Variants in FBXL17 observed in about 807,000 individuals in gnomAD.
The protein encoded by FBXL17 is F-box and leucine rich repeat protein 17, also known as F-box/LRR-repeat protein 17.
Under a neutral mutation model 66.2 loss-of-function variants are expected in FBXL17, and 22 were observed. The ratio of observed to expected loss-of-function variants is 0.33; its 90% CI spans 0.24 to 0.47. FBXL17 has a LOEUF of 0.47. Ranked by LOEUF, FBXL17 falls within the 20% of genes least tolerant of loss-of-function variation. The pLI is 1.00. For missense variants in FBXL17, 878 were observed against 948.2 expected (o/e 0.93, Z 0.97); for synonymous variants, 474 against 400.5 (o/e 1.18, Z -2.19).
chr5:108,284,711 A>G (rs1212224771), intron 4 of FBXL17, among the ~76,000 whole-genome samples: 1 of 151,908 alleles, frequency 6.6e-6, no homozygotes, highest in Non-Finnish European at 1.5e-5. Flanking sequence ...CAAATGTTTT[A>G]GTCCTAAAAA....
At chr5:107,906,710 C>T (rs1243225377) in intron 7 of FBXL17, among the ~76,000 whole-genome samples, 7 of 152,036 alleles carry the variant, frequency 4.6e-5, no homozygotes, top group African/African-American at 2.4e-5. Context: ...GGGGAGGACA[C>T]GTCTAGGAAG....
At chr5:108,056,625 G>A (rs949703528) in intron 6 of FBXL17, among the ~76,000 whole-genome samples, 1 of 152,156 alleles carries the variant, frequency 6.6e-6, no homozygotes, top group Admixed American at 6.5e-5. Flanking sequence ...CCACAGTGTT[G>A]AGACAGTGCT....
intron 4 of FBXL17, among the ~76,000 whole-genome samples, chr5:108,231,561 G>A (rs1755341905): frequency 6.6e-6 from 1 of 152,136 alleles, no homozygotes; most frequent in Non-Finnish European, 1.5e-5. Flanking sequence ...TGTGCTTCCT[G>A]TTCCCGCAAC....
chr5:108,272,214 C>G (rs1757301600), intron 4 of FBXL17, among the ~76,000 whole-genome samples: 1 of 151,986 alleles, frequency 6.6e-6, no homozygotes, highest in Non-Finnish European at 1.5e-5. Context: ...TGGCATGAAC[C>G]CAGGAGGCGG....
At chr5:107,922,590 G>C (rs540806418) in intron 7 of FBXL17, among the ~76,000 whole-genome samples, 2 of 152,260 alleles carry the variant, frequency 1.3e-5, no homozygotes, top group East Asian at 3.9e-4. Flanking sequence ...CGCTGTCTTT[G>C]TTTTTTAAAC....
At chr5:108,134,516 C>T (rs946033779) in intron 6 of FBXL17, among the ~76,000 whole-genome samples, 6 of 152,086 alleles carry the variant, frequency 3.9e-5, no homozygotes, top group African/African-American at 1.4e-4. Flanking sequence ...TCCCCCAAAA[C>T]CTCGTATCTG....
chr5:108,364,642 T>C (rs1748545543), intron 3 of FBXL17, 96 bp downstream of exon 3: 3 of 969,652 alleles, frequency 3.1e-6, no homozygotes, highest in Admixed American at 2.4e-5. Flanking sequence ...CTTGAGTCTC[T>C]GGGAACTATT....
At chr5:108,110,499 T>C (rs941085473) in intron 6 of FBXL17, among the ~76,000 whole-genome samples, 1 of 152,212 alleles carries the variant, frequency 6.6e-6, no homozygotes, top group Non-Finnish European at 1.5e-5. Flanking sequence ...CAGATTTTAA[T>C]TAATGGGCTC....
intron 7 of FBXL17, among the ~76,000 whole-genome samples, chr5:107,931,172 G>C (rs1447032705): frequency 6.6e-6 from 1 of 152,008 alleles, no homozygotes; most frequent in Non-Finnish European, 1.5e-5. Context: ...GCCTCAACTA[G>C]ATTGACTTGA....
chr5:108,298,909 A>ATAATAT (rs1580769927), intron 4 of FBXL17: 1 of 939,902 alleles, frequency 1.1e-6, no homozygotes, highest in African/African-American at 1.8e-5. Context: ...TCCACATTAA[A>ATAATAT]AGTATAGCAC....
chr5:107,948,906 C>CGA (rs1751403192), intron 7 of FBXL17, among the ~76,000 whole-genome samples: 1 of 152,164 alleles, frequency 6.6e-6, no homozygotes, highest in Non-Finnish European at 1.5e-5. Context: ...ACAGACAGAG[C>CGA]ATTCGCTCTG....
intron 3 of FBXL17, among the ~76,000 whole-genome samples, chr5:108,356,586 T>C (rs1286133662): frequency 6.6e-6 from 1 of 152,116 alleles, no homozygotes; most frequent in African/African-American, 2.4e-5. Flanking sequence ...TTACATACTA[T>C]ATGATTCCAA....
chr5:108,334,206 G>T (rs895206241), intron 4 of FBXL17, among the ~76,000 whole-genome samples: 2 of 152,120 alleles, frequency 1.3e-5, no homozygotes, highest in Non-Finnish European at 2.9e-5. Context: ...GAAAATCTCT[G>T]TGCTCCAGTT....
chr5:108,105,471 CAT>C (rs1749760923), intron 6 of FBXL17, among the ~76,000 whole-genome samples: 1 of 152,268 alleles, frequency 6.6e-6, no homozygotes, highest in East Asian at 1.9e-4. Context: ...TTAGATCTTG[CAT>C]ATGTTCTCAA....
intron 7 of FBXL17, among the ~76,000 whole-genome samples, chr5:107,925,448 T>C (rs1414766045): frequency 6.6e-6 from 1 of 152,202 alleles, no homozygotes; most frequent in Admixed American, 6.5e-5. Flanking sequence ...GGCCAATGGC[T>C]TCCTGTTGCA....
chr5:107,940,233 A>G (rs1481188353), intron 7 of FBXL17, among the ~76,000 whole-genome samples: 1 of 143,972 alleles, frequency 6.9e-6, no homozygotes, highest in Non-Finnish European at 1.5e-5. Flanking sequence ...GCATTTTTAG[A>G]ATAAATTTTA....
In FBXL17 at chr5:108,381,206, G is replaced by A; in HGVS notation, c.486C>T (p.Ala162=). 1 of 1,446,218 alleles carries A rather than the reference G, an allele frequency of 6.9e-7. No homozygotes were observed. The highest frequency in any genetic ancestry group is 9.1e-7 in the Non-Finnish European group (1 of 1,101,368). The allele number at this position is 1,446,218 out of a possible 1,614,324, so 89.6% of individuals were successfully genotyped here. Residue 162 remains alanine, a synonymous_variant, in exon 1 of 9, where the codon GCC becomes GCT. Transcript: ENST00000542267. The part of the protein sequence containing the change: ...WEQQGRSLFL[A]SLGPVRFLGP... ...CCAGGAAGCGCACCGGCCCCAAGCTGGCCAGGAAGAGACTTCGGCCCTGCT... is the reference window on the plus strand; with the variant it reads ...CCAGGAAGCGCACCGGCCCCAAGCTAGCCAGGAAGAGACTTCGGCCCTGCT...
chr5:108,251,706 A>C (rs1352365725), intron 4 of FBXL17, among the ~76,000 whole-genome samples: 2 of 152,104 alleles, frequency 1.3e-5, no homozygotes. Flanking sequence ...CCTGTTATAC[A>C]TAACACACAT....
chr5:108,293,352 A>C (rs1169927894), intron 4 of FBXL17, among the ~76,000 whole-genome samples: 1 of 152,180 alleles, frequency 6.6e-6, no homozygotes, highest in African/African-American at 2.4e-5. Context: ...TCACATCTAA[A>C]ACAAAGTGTG....
Sources: allele counts gnomAD v4.1 joint callset (sites outside exome capture counted in the v4.1 genomes callset), GRCh38; gene constraint gnomAD v4.1.1; transcripts MANE v1.5; gene names NCBI Gene and HGNC (gene_info 2026-07-23, HGNC 2026-07-21).